B3GALT1: variants seen among roughly 807,000 people sequenced by gnomAD.
B3GALT1 encodes the protein beta-1,3-galactosyltransferase 1, also known as UDP-Gal:betaGlcNAc beta 1,3-galactosyltransferase, polypeptide 1.
B3GALT1 carries 10 observed loss-of-function variants against 23.2 expected under a neutral mutation model. The ratio of observed to expected loss-of-function variants is 0.43; its 90% CI spans 0.27 to 0.73. The LOEUF (loss-of-function observed/expected upper bound fraction) is 0.73, where lower values mean the gene tolerates loss of function less well. B3GALT1 is among the 30% of genes least tolerant of loss of function. B3GALT1 has a pLI of 0.21. For synonymous variants in B3GALT1, 156 were observed against 141.5 expected (o/e 1.10, Z -0.73); for missense variants, 299 against 405.4 (o/e 0.74, Z 2.25).
intron 1 of B3GALT1, among the ~76,000 whole-genome samples, chr2:167,465,386 G>T (rs982995111): frequency 6.6e-6 from 1 of 152,062 alleles, no homozygotes. Context: ...GTAAATTATA[G>T]AATTTTTTTC....
At chr2:167,805,582 G>A (rs1434052526) in intron 3 of B3GALT1, among the ~76,000 whole-genome samples, 1 of 152,094 alleles carries the variant, frequency 6.6e-6, no homozygotes, top group Admixed American at 6.6e-5. Flanking sequence ...TATTAAATAG[G>A]GAATCCTTTC....
intron 2 of B3GALT1, among the ~76,000 whole-genome samples, chr2:167,599,616 C>T (rs1455737262): frequency 6.6e-6 from 1 of 152,150 alleles, no homozygotes; most frequent in Non-Finnish European, 1.5e-5. Flanking sequence ...TCAAATTAAA[C>T]ATTTTTGTTG....
chr2:167,800,136 G>A (rs836680), intron 3 of B3GALT1, among the ~76,000 whole-genome samples: 36,737 of 151,974 alleles, frequency 0.24, 5,298 homozygotes, highest in African/African-American at 0.39. Flanking sequence ...GTTCATGCTG[G>A]GTGAAAGATA....
intron 4 of B3GALT1, among the ~76,000 whole-genome samples, chr2:167,865,437 C>G (rs1356336184): frequency 6.6e-6 from 1 of 151,966 alleles, no homozygotes; most frequent in East Asian, 1.9e-4. Context: ...AATTCTCACT[C>G]TTCTAAGAAA....
intron 1 of B3GALT1, among the ~76,000 whole-genome samples, chr2:167,377,241 C>T (rs1697779733): frequency 1.3e-5 from 2 of 151,934 alleles, no homozygotes; most frequent in Admixed American, 6.6e-5. Flanking sequence ...TTGAAATTTG[C>T]TTTAATGGCC....
intron 2 of B3GALT1, among the ~76,000 whole-genome samples, chr2:167,639,530 T>TG (rs1246545633): frequency 6.6e-6 from 1 of 152,024 alleles, no homozygotes; most frequent in Non-Finnish European, 1.5e-5. Flanking sequence ...TCATAGTAAA[T>TG]TTTTTAGTAA....
chr2:167,356,034 G>A (rs1277779257), intron 1 of B3GALT1, among the ~76,000 whole-genome samples: 1 of 152,146 alleles, frequency 6.6e-6, no homozygotes, highest in African/African-American at 2.4e-5. Flanking sequence ...AGCATATCAA[G>A]TTCTTCAAGG....
intron 3 of B3GALT1, among the ~76,000 whole-genome samples, chr2:167,759,257 A>T (rs140166146): frequency 3.3e-3 from 508 of 152,302 alleles, no homozygotes; most frequent in Non-Finnish European, 4.8e-3. Flanking sequence ...ACACCACTTC[A>T]AACTATCAGT....
At chr2:167,494,353 C>G (rs1699749946) in intron 2 of B3GALT1, among the ~76,000 whole-genome samples, 1 of 150,684 alleles carries the variant, frequency 6.6e-6, no homozygotes, top group African/African-American at 2.4e-5. Flanking sequence ...AAAAAGATAT[C>G]AGTTATGATA....
At chr2:167,387,868 T>C (rs1223784057) in intron 1 of B3GALT1, among the ~76,000 whole-genome samples, 2 of 152,238 alleles carry the variant, frequency 1.3e-5, no homozygotes, top group African/African-American at 2.4e-5. Flanking sequence ...ATACAGACTA[T>C]TGCATTTCAA....
At chr2:167,499,231 A>G (rs1003277337) in intron 2 of B3GALT1, among the ~76,000 whole-genome samples, 3 of 152,174 alleles carry the variant, frequency 2.0e-5, no homozygotes, top group Non-Finnish European at 4.4e-5. Flanking sequence ...TTTACTGTCT[A>G]CTATTTGATA....
intron 3 of B3GALT1, among the ~76,000 whole-genome samples, chr2:167,805,670 C>A (rs1688737707): frequency 6.6e-6 from 1 of 152,174 alleles, no homozygotes; most frequent in Non-Finnish European, 1.5e-5. Flanking sequence ...GGGCTCTGTT[C>A]TGTTCCTTTG....
intron 1 of B3GALT1, among the ~76,000 whole-genome samples, chr2:167,312,284 A>T (rs1236250603): frequency 6.6e-6 from 1 of 152,014 alleles, no homozygotes; most frequent in Non-Finnish European, 1.5e-5. Flanking sequence ...AATAATACTG[A>T]AATTGAATAA....
chr2:167,710,731 G>A (rs924480888), intron 3 of B3GALT1, among the ~76,000 whole-genome samples: 31 of 152,182 alleles, frequency 2.0e-4, no homozygotes, highest in African/African-American at 5.3e-4. Context: ...TCTATTTAAC[G>A]TGATCATCCT....
At chr2:167,391,867 C>G (rs1351844800) in intron 1 of B3GALT1, among the ~76,000 whole-genome samples, 2 of 152,136 alleles carry the variant, frequency 1.3e-5, no homozygotes, top group Non-Finnish European at 2.9e-5. Flanking sequence ...AATAAAGACC[C>G]TCAATTAATA....
At chr2:167,795,617 G>A (rs780804373) in intron 3 of B3GALT1, among the ~76,000 whole-genome samples, 57 of 152,126 alleles carry the variant, frequency 3.7e-4, no homozygotes, top group Non-Finnish European at 7.5e-4. Context: ...GGAGAATCCT[G>A]ATGCCTTCAC....
chr2:167,651,633 T>G (rs749978318), intron 3 of B3GALT1, among the ~76,000 whole-genome samples: 2 of 152,152 alleles, frequency 1.3e-5, no homozygotes, highest in African/African-American at 4.8e-5. Context: ...TGTTGGACTT[T>G]GAGTACACAA....
At position 167,871,702 on chromosome 2, in the gene B3GALT1, A is replaced by C. The variant is rs1005360088; in HGVS notation, c.*1682A>C. The C allele has an allele frequency of 2.6e-5, 4 of 152,136 alleles. No homozygotes were observed. Among genetic ancestry groups the C allele is most frequent in the Non-Finnish European group, 4.4e-5 (3 of 68,040 alleles). 9.4% of individuals were successfully genotyped at this position (152,136 alleles called of 1,614,324 possible). A position where few individuals can be genotyped will look rare whatever the true frequency, so the allele number is the denominator to read the frequency against. On this transcript the variant is annotated 3_prime_UTR_variant, in exon 5 of 5. Transcript: ENST00000392690. Reference sequence around the variant, plus strand: ...GCATCACGACAACTTAGATCTCAGGAACCACTGAATCTGAATTCTCTCTAA... The same window carrying C: ...GCATCACGACAACTTAGATCTCAGGCACCACTGAATCTGAATTCTCTCTAA...
intron 1 of B3GALT1, among the ~76,000 whole-genome samples, chr2:167,308,083 TTAGAAA>T (rs1432039144): frequency 6.6e-6 from 1 of 152,074 alleles, no homozygotes; most frequent in Admixed American, 6.6e-5. Context: ...TTACTGTGTG[TTAGAAA>T]TAGAATTGTT....
Sources: gnomAD v4.1 joint callset for allele counts (sites outside exome capture counted in the v4.1 genomes callset) on GRCh38, gnomAD v4.1.1 for gene constraint, MANE v1.5 for transcripts, NCBI Gene and HGNC (gene_info 2026-07-23, HGNC 2026-07-21) for gene names.